The following ODAD2 variants were observed in gnomAD, a reference collection of about 807,000 sequenced individuals.
The protein encoded by ODAD2 is outer dynein arm docking complex subunit 2.
In ODAD2, 89 loss-of-function variants were observed where a neutral mutation model predicts 106.8. The observed-to-expected ratio is 0.83, with a 90% CI of 0.70 to 0.99. The LOEUF is 0.99. ODAD2 is among the 50% of genes least tolerant of loss of function. The pLI, the probability that ODAD2 is intolerant of heterozygous loss-of-function variation, is 0.00. For synonymous variants in ODAD2, 404 were observed against 436.2 expected (o/e 0.93, Z 0.92); for missense variants, 1,168 against 1,238.5 (o/e 0.94, Z 0.85).
chr10:27,962,368 G>T lies in ODAD2; in HGVS notation c.1239-653C>A, dbSNP rs1355105525. ...TGCTCAATGGCCCACGTGCCTCGTG[G>T]TTACCACACTGGACAGCTCAGATAT... On this transcript the variant is annotated intron_variant, in intron 9 of 19. Transcript: ENST00000305242. Among the ~76,000 whole-genome samples the T allele has an allele frequency of 2.6e-5, 4 of 152,200 alleles. No homozygotes were observed. The East Asian group carries it at 7.7e-4, about 29-fold the overall frequency.
chr10:27,904,732 T>C (rs1329106144), intron 17 of ODAD2, among the ~76,000 whole-genome samples: 1 of 152,186 alleles, frequency 6.6e-6, no homozygotes, highest in African/African-American at 2.4e-5. Flanking sequence ...TATTCCGACA[T>C]GTTTATTTTC....
At chr10:27,924,642 A>G (rs1845125775) in intron 16 of ODAD2, among the ~76,000 whole-genome samples, 1 of 136,718 alleles carries the variant, frequency 7.3e-6, no homozygotes, top group Non-Finnish European at 1.6e-5. Context: ...AAAAAAAAAC[A>G]GAAGAAAGCC....
intron 17 of ODAD2, among the ~76,000 whole-genome samples, chr10:27,884,047 T>C (rs1462677800): frequency 2.0e-5 from 3 of 151,974 alleles, no homozygotes; most frequent in African/African-American, 7.2e-5. Context: ...TCTCCAAATT[T>C]GATGAGAAAC....
chr10:27,909,689 G>A (rs369968254), intron 16 of ODAD2, among the ~76,000 whole-genome samples: 21 of 151,814 alleles, frequency 1.4e-4, no homozygotes, highest in African/African-American at 4.4e-4. Context: ...TTGGTGGCAC[G>A]CGCCTGTAGT....
intron 19 of ODAD2, among the ~76,000 whole-genome samples, chr10:27,817,028 G>A (rs1421730814): frequency 6.6e-6 from 1 of 152,152 alleles, no homozygotes; most frequent in Non-Finnish European, 1.5e-5. Flanking sequence ...TGGATTACAG[G>A]CATGAGCCAC....
intron 19 of ODAD2, among the ~76,000 whole-genome samples, chr10:27,819,064 G>A (rs926527934): frequency 6.6e-5 from 10 of 152,128 alleles, no homozygotes; most frequent in African/African-American, 2.4e-4. Context: ...TTTAATAGAT[G>A]TTTGAACACC....
At chr10:27,935,883 C>T (rs1845941814) in intron 15 of ODAD2, among the ~76,000 whole-genome samples, 1 of 150,970 alleles carries the variant, frequency 6.6e-6, no homozygotes, top group African/African-American at 2.5e-5. Flanking sequence ...CATACACACA[C>T]ACACCAAAAG....
chr10:27,932,311 A>G (rs1845671873), intron 16 of ODAD2, among the ~76,000 whole-genome samples: 1 of 152,176 alleles, frequency 6.6e-6, no homozygotes, highest in African/African-American at 2.4e-5. Context: ...AAGTTATTGA[A>G]TACTGTACTG....
chr10:27,813,759 C>G (rs571412775), intron 19 of ODAD2, among the ~76,000 whole-genome samples: 1 of 152,198 alleles, frequency 6.6e-6, no homozygotes, highest in South Asian at 2.1e-4. Flanking sequence ...AGGGGAATGA[C>G]ATGATCATAT....
chr10:27,964,991 A>G (rs1472370281), intron 9 of ODAD2, among the ~76,000 whole-genome samples: 2 of 152,218 alleles, frequency 1.3e-5, no homozygotes, highest in Non-Finnish European at 2.9e-5. Context: ...AATTCCAGGA[A>G]GTGGCAGTAG....
At chr10:27,994,066 T>C (rs1291830360) in intron 2 of ODAD2, among the ~76,000 whole-genome samples, 4 of 151,972 alleles carry the variant, frequency 2.6e-5, no homozygotes, top group Non-Finnish European at 4.4e-5. Context: ...TACATTCTTA[T>C]ACAATTATAT....
intron 19 of ODAD2, among the ~76,000 whole-genome samples, chr10:27,823,796 T>C (rs1048619720): frequency 6.6e-6 from 1 of 152,074 alleles, no homozygotes; most frequent in Non-Finnish European, 1.5e-5. Flanking sequence ...TCCCGTTAGA[T>C]AGTCAAAAAC....
At chr10:27,889,028 G>C (rs927899550) in intron 17 of ODAD2, among the ~76,000 whole-genome samples, 1 of 152,160 alleles carries the variant, frequency 6.6e-6, no homozygotes, top group African/African-American at 2.4e-5. Context: ...TCCAGAAACA[G>C]ACAAAGCAGC....
intron 10 of ODAD2, among the ~76,000 whole-genome samples, chr10:27,959,615 T>C (rs991553795): frequency 3.9e-5 from 6 of 152,132 alleles, no homozygotes; most frequent in African/African-American, 1.4e-4. Flanking sequence ...TAGCCCGTGC[T>C]CCATGCTAGT....
chr10:27,971,448 C>T (rs1260267111), intron 7 of ODAD2, 135 bp from the exon 8 acceptor site: 2 of 697,572 alleles, frequency 2.9e-6, no homozygotes, highest in Non-Finnish European at 4.7e-6. Flanking sequence ...AACAGCTAAA[C>T]AAGGACAACA....
chr10:27,821,503 A>G (rs1004298379), intron 19 of ODAD2, among the ~76,000 whole-genome samples: 28 of 152,172 alleles, frequency 1.8e-4, no homozygotes, highest in African/African-American at 6.8e-4. Context: ...CTAAGGCACT[A>G]ATTTCTTTAA....
intron 19 of ODAD2, among the ~76,000 whole-genome samples, chr10:27,849,005 G>T (rs944001635): frequency 6.6e-6 from 1 of 152,174 alleles, no homozygotes; most frequent in African/African-American, 2.4e-5. Context: ...GATTCCTCAA[G>T]GATCTAGAAC....
At chr10:27,871,695 G>A (rs1026157349) in intron 17 of ODAD2, among the ~76,000 whole-genome samples, 1 of 152,150 alleles carries the variant, frequency 6.6e-6, no homozygotes, top group African/African-American at 2.4e-5. Context: ...TGAGGGCTCT[G>A]TTCTGTTCCA....
chr10:27,995,121 AT>A lies in ODAD2; in HGVS notation c.21del (p.Lys7AsnfsTer2). ...TGTCCGGCAGCAGTCCACTGCGTCA[AT>A]TTCCTCAGAGCCACACCCATGGGAT... MGVALRKLTQWTAAGHG... is the reference protein window; with the variant it reads MGVALRXLTQWTAAGHG... On this transcript the variant is annotated frameshift_variant, in exon 2 of 20. Coordinates refer to ENST00000305242, the MANE Select transcript of ODAD2 (RefSeq NM_018076.5). LOFTEE classifies it high-confidence loss of function. 6.2e-7 allele frequency: 1 copy of A among 1,614,086 alleles called. No homozygotes were observed. The highest frequency in any genetic ancestry group is 8.5e-7 in the Non-Finnish European group (1 of 1,180,012).
Sources: gnomAD v4.1 joint callset for allele counts (sites outside exome capture counted in the v4.1 genomes callset) on GRCh38, gnomAD v4.1.1 for gene constraint, MANE v1.5 for transcripts, NCBI Gene and HGNC (gene_info 2026-07-23, HGNC 2026-07-21) for gene names.